Variants in RELN observed in about 807,000 individuals in gnomAD.
RELN encodes reelin.
RELN carries 108 observed loss-of-function variants against 427.6 expected under a neutral mutation model. The ratio of observed to expected loss-of-function variants is 0.25; its 90% confidence interval spans 0.22 to 0.30. RELN has a LOEUF of 0.30. Ranked by LOEUF, RELN falls within the 10% of genes least tolerant of loss-of-function variation. RELN has a pLI of 1.00. For synonymous variants in RELN, 1,524 were observed against 1,513.4 expected, an observed-to-expected ratio of 1.01 and a Z score of -0.16; for missense variants, 3,715 against 4,302.8, an observed-to-expected ratio of 0.86 and a Z score of 3.82.
chr7:103,735,794 C>T (rs1790477134), intron 6 of RELN, among the ~76,000 whole-genome samples: 2 of 152,120 alleles, frequency 1.3e-5, no homozygotes, highest in Admixed American at 1.3e-4. Context: ...ATCATATTAT[C>T]TCTCCATAAT....
intron 3 of RELN, among the ~76,000 whole-genome samples, chr7:103,800,220 T>C (rs541070981): frequency 7.2e-5 from 11 of 152,282 alleles, no homozygotes; most frequent in African/African-American, 2.4e-4. Context: ...GATGACATGA[T>C]TGTATATTTA....
At position 103,596,444 on chromosome 7, in the gene RELN, G is replaced by C. The variant is rs1216786948; in HGVS notation, c.3539+12C>G. On this transcript the variant is annotated intron_variant, in intron 25 of 64. Coordinates refer to ENST00000428762, the MANE Select transcript of RELN (RefSeq NM_005045.4). ...TGGAAACTAATGCGAGGACCATCAG[G>C]TGGGTAGTTACCTGGGTTTGCTGAA... 2.5e-6 allele frequency: 4 copies of C among 1,605,650 alleles called. No homozygotes were observed. In the African/African-American group the frequency reaches 5.4e-5, roughly 21 times the overall value.
chr7:103,528,811 G>A (rs528121755), intron 46 of RELN, among the ~76,000 whole-genome samples: 1 of 151,486 alleles, frequency 6.6e-6, no homozygotes, highest in African/African-American at 2.4e-5. Flanking sequence ...TTACAGACAT[G>A]AGCCACTGCA....
At chr7:103,893,011 A>C (rs571752957) in intron 2 of RELN, among the ~76,000 whole-genome samples, 1 of 152,334 alleles carries the variant, frequency 6.6e-6, no homozygotes, top group South Asian at 2.1e-4. Context: ...GATCATGTAG[A>C]AAGGGTCTTC....
intron 19 of RELN, among the ~76,000 whole-genome samples, chr7:103,631,856 T>C (rs1158479906): frequency 6.6e-6 from 1 of 152,026 alleles, no homozygotes; most frequent in African/African-American, 2.4e-5. Context: ...ATATCAGTCA[T>C]GGATTTAATA....
chr7:103,673,234 C>A (rs556224766), intron 11 of RELN, among the ~76,000 whole-genome samples: 1 of 151,946 alleles, frequency 6.6e-6, no homozygotes, highest in African/African-American at 2.4e-5. Flanking sequence ...CTTCTTTGTT[C>A]TAATTTTAAC....
chr7:103,923,137 G>A (rs552756476), intron 1 of RELN, among the ~76,000 whole-genome samples: 1 of 152,084 alleles, frequency 6.6e-6, no homozygotes, highest in Admixed American at 6.6e-5. Flanking sequence ...AAATTCGTTT[G>A]CTTTTTGAAT....
intron 59 of RELN, 137 bp from the exon 60 acceptor site, chr7:103,490,036 C>A: frequency 2.1e-6 from 2 of 967,118 alleles, no homozygotes; most frequent in Non-Finnish European, 3.2e-6. Flanking sequence ...ACCCTGCTGG[C>A]AGAGGTGAGA....
At chr7:103,625,977 T>C (rs550638747) in intron 20 of RELN, among the ~76,000 whole-genome samples, 26 of 151,908 alleles carry the variant, frequency 1.7e-4, no homozygotes, top group African/African-American at 5.8e-4. Flanking sequence ...GTGGTTAGAG[T>C]TGGAGTAAGG....
chr7:103,521,968 T>C, intron 48 of RELN, 54 bp downstream of exon 48: 3 of 1,572,818 alleles, frequency 1.9e-6, no homozygotes, highest in South Asian at 1.1e-5. Context: ...GAGTCAACTA[T>C]TTGGAAGGAA....
intron 12 of RELN, among the ~76,000 whole-genome samples, chr7:103,658,803 ATCTCTCTC>A (rs140889823): frequency 1.4e-5 from 2 of 145,528 alleles, no homozygotes; most frequent in African/African-American, 2.5e-5. Flanking sequence ...ATCCTGGTTG[ATCTCTCTC>A]TCTCTCTCTC....
Position 103,569,352 on chromosome 7 carries a change from A to T in RELN, c.4589-2593T>A, listed in dbSNP as rs531098379. ...TGCACCCCTCCTGGCTTTTGTCCTG[A>T]CTGCAACCTCACCAGAGACCCTGGG... is the stretch of plus-strand genomic sequence containing the variant. On this transcript the variant is annotated intron_variant, in intron 31 of 64. Coordinates refer to ENST00000428762, the MANE Select transcript of RELN (RefSeq NM_005045.4). This position sits in a 1 kb window ranked among gnomAD's most constrained non-coding sequence, Gnocchi z 4.0. Among the ~76,000 whole-genome samples, 5 of 152,310 alleles carry T rather than the reference A, an allele frequency of 3.3e-5. No individual in the cohort carries two copies. The East Asian group carries it at 9.7e-4, about 29-fold the overall frequency.
chr7:103,491,131 TTGTC>T (rs1056826255), intron 58 of RELN, among the ~76,000 whole-genome samples: 10 of 152,216 alleles, frequency 6.6e-5, no homozygotes, highest in Non-Finnish European at 1.5e-4. Flanking sequence ...AATGACAAAA[TTGTC>T]TGTCTTCTCA....
At chr7:103,961,877 T>C (rs935415596) in intron 1 of RELN, among the ~76,000 whole-genome samples, 1 of 152,192 alleles carries the variant, frequency 6.6e-6, no homozygotes, top group African/African-American at 2.4e-5. Flanking sequence ...TACCTTTCAG[T>C]AGGAGTAGCT....
intron 10 of RELN, among the ~76,000 whole-genome samples, chr7:103,692,477 T>C (rs1437390160): frequency 6.6e-6 from 1 of 152,062 alleles, no homozygotes; most frequent in East Asian, 1.9e-4. Flanking sequence ...GGATTAAGGA[T>C]CTGAAACTAG....
chr7:103,769,607 C>G (rs1394282973), intron 4 of RELN, among the ~76,000 whole-genome samples: 1 of 152,126 alleles, frequency 6.6e-6, no homozygotes, highest in African/African-American at 2.4e-5. Context: ...AGCCTAAAAT[C>G]CAAAAGTAAA....
chr7:103,570,858 T>C lies in RELN; in HGVS notation c.4588+1326A>G, dbSNP rs556830299. Among the ~76,000 whole-genome samples, 4 of 152,156 alleles carry C rather than the reference T, an allele frequency of 2.6e-5. No homozygotes were observed. In the South Asian group the frequency reaches 6.2e-4, roughly 24 times the overall value. On this transcript the variant is annotated intron_variant, in intron 31 of 64. Coordinates refer to ENST00000428762, the MANE Select transcript of RELN (RefSeq NM_005045.4). Reference sequence around the variant, plus strand: ...GTTTATTATTATTAGAGGTTTATTATTATTATTGCAGCATAACCTACCTCA... The same window carrying C: ...GTTTATTATTATTAGAGGTTTATTACTATTATTGCAGCATAACCTACCTCA...
At chr7:103,783,049 G>GA (rs1001283728) in intron 3 of RELN, among the ~76,000 whole-genome samples, 6 of 151,728 alleles carry the variant, frequency 4.0e-5, no homozygotes, top group African/African-American at 1.4e-4. Flanking sequence ...GAATATGGGG[G>GA]AAAAAAGAGT....
At chr7:103,787,861 A>G (rs187159152) in intron 3 of RELN, among the ~76,000 whole-genome samples, 9 of 152,122 alleles carry the variant, frequency 5.9e-5, no homozygotes, top group Admixed American at 5.9e-4. Flanking sequence ...TAATACCAAA[A>G]CCTGGCAGAG....
Sources: allele counts gnomAD v4.1 joint callset (sites outside exome capture counted in the v4.1 genomes callset), GRCh38; gene constraint gnomAD v4.1.1; non-coding constraint Gnocchi (gnomAD v3.1); transcripts MANE v1.5; gene names NCBI Gene and HGNC (gene_info 2026-07-23, HGNC 2026-07-21).